Variants in KCNMA1 observed in about 807,000 individuals in gnomAD.
KCNMA1 encodes Calcium-activated potassium channel subunit alpha-1.
KCNMA1 carries 29 observed loss-of-function variants against 140.0 expected under a neutral mutation model. That is an observed-to-expected ratio of 0.21 (90% confidence interval 0.15 to 0.28). The LOEUF (loss-of-function observed/expected upper bound fraction) is 0.28. Among genes scored for constraint, KCNMA1 ranks in the 10% least tolerant of loss-of-function variants. The pLI, the probability that KCNMA1 is intolerant of heterozygous loss-of-function variation, is 1.00. For synonymous variants in KCNMA1, 612 were observed against 611.9 expected (o/e 1.00, Z 0.00); for missense variants, 880 against 1,602.2 (o/e 0.55, Z 7.70).
chr10:77,451,765 C>T (rs1432542706), intron 1 of KCNMA1, among the ~76,000 whole-genome samples: 1 of 152,154 alleles, frequency 6.6e-6, no homozygotes, highest in African/African-American at 2.4e-5. Context: ...ATCAGGGCAC[C>T]TATATTTCTA....
intron 3 of KCNMA1, among the ~76,000 whole-genome samples, chr10:77,212,519 T>C (rs770071976): frequency 9.9e-5 from 15 of 152,176 alleles, no homozygotes; most frequent in Non-Finnish European, 1.6e-4. Flanking sequence ...GGGTGCAATA[T>C]ATTCACATAA....
chr10:77,120,932 AG>A (rs1433867906), intron 6 of KCNMA1, 40 bp downstream of exon 6: 1 of 1,118,762 alleles, frequency 8.9e-7, no homozygotes, highest in Non-Finnish European at 1.4e-6. Context: ...AACTTGGCAT[AG>A]GGGACTGGAA....
chr10:77,632,364 TG>T (rs1263001538), intron 1 of KCNMA1, among the ~76,000 whole-genome samples: 5 of 152,152 alleles, frequency 3.3e-5, no homozygotes, highest in African/African-American at 7.2e-5. Flanking sequence ...GTTCTGGACT[TG>T]GGATAACAGG....
At chr10:76,977,150 C>T (rs755549100) in intron 19 of KCNMA1, among the ~76,000 whole-genome samples, 1 of 152,150 alleles carries the variant, frequency 6.6e-6, no homozygotes, top group Non-Finnish European at 1.5e-5. Flanking sequence ...CTTTAGGTTG[C>T]CCTAGCACTT....
chr10:77,331,173 A>G (rs1037192748), intron 2 of KCNMA1, among the ~76,000 whole-genome samples: 2 of 152,054 alleles, frequency 1.3e-5, no homozygotes, highest in African/African-American at 4.8e-5. Flanking sequence ...TTATCTAGAG[A>G]ACTTTTAAAT....
chr10:77,351,633 G>C (rs11002133), intron 2 of KCNMA1, among the ~76,000 whole-genome samples: 35,905 of 152,154 alleles, frequency 0.24, 5,369 homozygotes, highest in Non-Finnish European at 0.35. Context: ...AGGGGGAAAA[G>C]AATTCAGAAC....
intron 22 of KCNMA1, among the ~76,000 whole-genome samples, chr10:76,947,467 C>T (rs776774330): frequency 6.6e-6 from 1 of 152,210 alleles, no homozygotes; most frequent in Non-Finnish European, 1.5e-5. Flanking sequence ...CACACATACA[C>T]ACACAGACTC....
intron 2 of KCNMA1, among the ~76,000 whole-genome samples, chr10:77,380,972 G>A (rs2154428551): frequency 6.6e-6 from 1 of 152,288 alleles, no homozygotes; most frequent in Admixed American, 6.5e-5. Flanking sequence ...GCTTAGCCCT[G>A]GGCAACCCTG....
intron 1 of KCNMA1, among the ~76,000 whole-genome samples, chr10:77,537,976 C>T (rs914708205): frequency 4.0e-5 from 6 of 151,856 alleles, no homozygotes; most frequent in Non-Finnish European, 7.4e-5. Context: ...TGTATACACA[C>T]GCACATACAC....
chr10:77,559,620 G>A (rs1024345449), intron 1 of KCNMA1, among the ~76,000 whole-genome samples: 2 of 152,180 alleles, frequency 1.3e-5, no homozygotes, highest in African/African-American at 4.8e-5. Context: ...CTGCTGAGAG[G>A]GACAATCCTG....
intron 1 of KCNMA1, among the ~76,000 whole-genome samples, chr10:77,526,165 G>A (rs1334162059): frequency 6.6e-6 from 1 of 152,168 alleles, no homozygotes; most frequent in Non-Finnish European, 1.5e-5. Context: ...ACAGTAGGGT[G>A]AAGAAAAGAA....
intron 29 of KCNMA1, chr10:76,877,994 A>G (rs1470472369): frequency 7.9e-6 from 9 of 1,134,740 alleles, no homozygotes; most frequent in East Asian, 2.6e-5. Flanking sequence ...GCAAAAAGGT[A>G]ATCGATAGAA....
chr10:77,148,363 A>C (rs977317932), intron 5 of KCNMA1: 6 of 152,180 alleles, frequency 3.9e-5, no homozygotes, highest in Admixed American at 3.9e-4. Flanking sequence ...GAACAGAGGT[A>C]CTCCTTCCAA....
chr10:77,519,119 C>T (rs816845), intron 1 of KCNMA1, among the ~76,000 whole-genome samples: 14,344 of 152,310 alleles, frequency 0.094, 862 homozygotes, highest in Admixed American at 0.15. Context: ...CCACACACCA[C>T]GTCTGCTCCA....
intron 3 of KCNMA1, among the ~76,000 whole-genome samples, chr10:77,191,695 T>C (rs1411533835): frequency 6.6e-6 from 1 of 152,166 alleles, no homozygotes. Flanking sequence ...TCAATAGTAA[T>C]GATGATAACA....
At chr10:77,355,083 G>A (rs1045825651) in intron 2 of KCNMA1, 2 of 152,744 alleles carry the variant, frequency 1.3e-5, no homozygotes, top group African/African-American at 2.4e-5. Context: ...TGTTCTCGTG[G>A]TAGCGAATAA....
At chr10:77,520,185 G>A (rs866141467) in intron 1 of KCNMA1, among the ~76,000 whole-genome samples, 71 of 76,790 alleles carry the variant, frequency 9.2e-4, no homozygotes, top group South Asian at 2.5e-3. Context: ...GCTGGGGTAT[G>A]CAGTGTGAGG....
At chr10:77,453,364 T>TAAATAAATAAATAAATAA (rs35883503) in intron 1 of KCNMA1, among the ~76,000 whole-genome samples, 29 of 145,116 alleles carry the variant, frequency 2.0e-4, no homozygotes, top group East Asian at 3.9e-4. Context: ...AATAAATAAA[T>TAAATAAATAAATAAATAA]ATAAATAAAT....
chr10:77,097,108 G>C (rs888052664), intron 9 of KCNMA1, among the ~76,000 whole-genome samples: 1 of 152,142 alleles, frequency 6.6e-6, no homozygotes, highest in African/African-American at 2.4e-5. Context: ...TGACACTCCT[G>C]CAAGCTGGCC....
Sources: allele counts gnomAD v4.1 joint callset (sites outside exome capture counted in the v4.1 genomes callset), GRCh38; gene constraint gnomAD v4.1.1; transcripts MANE v1.5; gene names NCBI Gene and HGNC (gene_info 2026-07-23, HGNC 2026-07-21).